Variants in IGSF21 observed in about 807,000 individuals in gnomAD.
The protein encoded by IGSF21 is immunoglobin superfamily member 21, also known as immunoglobulin superfamily member 21.
In IGSF21, 28 loss-of-function variants were observed where a neutral mutation model predicts 46.8. The ratio of observed to expected loss-of-function variants is 0.60; its 90% CI spans 0.44 to 0.82. The LOEUF (loss-of-function observed/expected upper bound fraction) is 0.82, where lower values mean the gene tolerates loss of function less well. Ranked by LOEUF, IGSF21 falls within the 40% of genes least tolerant of loss-of-function variation. The probability of loss-of-function intolerance (pLI) is 0.00; values close to 1 mark genes in which losing one functional copy is unlikely to be tolerated. For missense variants in IGSF21, 624 were observed against 665.5 expected (o/e 0.94, Z 0.69); for synonymous variants, 284 against 273.6 (o/e 1.04, Z -0.38).
chr1:18,226,216 G>A (rs906169458), intron 1 of IGSF21, among the ~76,000 whole-genome samples: 1 of 152,156 alleles, frequency 6.6e-6, no homozygotes, highest in Non-Finnish European at 1.5e-5. Flanking sequence ...GATTCCCTCT[G>A]TGCCCACCCA....
At chr1:18,358,266 A>T (rs561477824) in intron 4 of IGSF21, among the ~76,000 whole-genome samples, 13 of 152,330 alleles carry the variant, frequency 8.5e-5, no homozygotes, top group Non-Finnish European at 1.5e-4. Context: ...AATATAATGT[A>T]AAGTACATAT....
intron 3 of IGSF21, among the ~76,000 whole-genome samples, chr1:18,319,630 G>GT (rs2085580955): frequency 6.6e-6 from 1 of 152,214 alleles, no homozygotes; most frequent in South Asian, 2.1e-4. Flanking sequence ...GATGACGAAT[G>GT]TAAGTATGTC....
At chr1:18,340,999 C>CTTTT (rs2085830045) in intron 4 of IGSF21, among the ~76,000 whole-genome samples, 1 of 114,306 alleles carries the variant, frequency 8.7e-6, no homozygotes, top group African/African-American at 3.5e-5. Context: ...TTCTTCTCCT[C>CTTTT]CTCCTCCTTC....
At chr1:18,327,805 G>A (rs2085672185) in intron 3 of IGSF21, among the ~76,000 whole-genome samples, 1 of 152,094 alleles carries the variant, frequency 6.6e-6, no homozygotes, top group Admixed American at 6.6e-5. Context: ...CTTGATTGTG[G>A]CAATGGTCTC....
At chr1:18,330,376 G>A (rs1442778917) in intron 3 of IGSF21, among the ~76,000 whole-genome samples, 5 of 152,312 alleles carry the variant, frequency 3.3e-5, no homozygotes, top group African/African-American at 1.2e-4. Flanking sequence ...GGTGAGGGGT[G>A]TACAGCGATC....
At chr1:18,352,798 A>G (rs1282589466) in intron 4 of IGSF21, among the ~76,000 whole-genome samples, 1 of 152,162 alleles carries the variant, frequency 6.6e-6, no homozygotes, top group Non-Finnish European at 1.5e-5. Context: ...AACAGCTGGC[A>G]GGGGAGGGGC....
chr1:18,248,605 A>G (rs223197), intron 2 of IGSF21, among the ~76,000 whole-genome samples: 10,838 of 152,176 alleles, frequency 0.071, 1,269 homozygotes, highest in African/African-American at 0.25. Context: ...GTGGTGCTTA[A>G]GACACAGATA....
chr1:18,350,885 G>A lies in IGSF21; in HGVS notation c.425-11230G>A, dbSNP rs567737274. On this transcript the variant is annotated intron_variant, in intron 4 of 9. Transcript: ENST00000251296. ...GAAAGCTCTGAGCCAGGCCAGGAGT[G>A]CGGTGGGGGGTAGGGGCTCTGCAGG... is the stretch of plus-strand genomic sequence containing the variant. 3.1e-4 allele frequency among the ~76,000 whole-genome samples: 47 copies of A among 152,324 alleles called. 1 individual carries two copies. In the South Asian group the frequency reaches 7.3e-3, roughly 24 times the overall value.
At chr1:18,190,207 C>G (rs995138800) in intron 1 of IGSF21, among the ~76,000 whole-genome samples, 13 of 152,238 alleles carry the variant, frequency 8.5e-5, no homozygotes, top group African/African-American at 3.1e-4. Flanking sequence ...GAAAGCTGGT[C>G]TCAGCTTCAG....
intron 3 of IGSF21, among the ~76,000 whole-genome samples, chr1:18,299,600 G>A (rs2085342205): frequency 6.6e-6 from 1 of 152,146 alleles, no homozygotes; most frequent in Admixed American, 6.5e-5. Flanking sequence ...GCAAACACAC[G>A]TTGTTGTTGC....
chr1:18,208,376 A>AATATATATATATATATATATATATATAT (rs5772795), intron 1 of IGSF21, among the ~76,000 whole-genome samples: 3 of 22,028 alleles, frequency 1.4e-4, no homozygotes, highest in African/African-American at 3.5e-4. Context: ...GTTTAGGAAT[A>AATATATATATATATATATATATATATAT]ATATATATAT....
chr1:18,280,096 C>T (rs772245171), intron 2 of IGSF21, among the ~76,000 whole-genome samples: 8 of 152,128 alleles, frequency 5.3e-5, no homozygotes, highest in South Asian at 2.1e-4. Flanking sequence ...ACCGGCAGCC[C>T]GGGGGGTGAC....
chr1:18,367,846 C>T (rs1235847518), intron 6 of IGSF21, among the ~76,000 whole-genome samples: 2 of 151,758 alleles, frequency 1.3e-5, no homozygotes. Flanking sequence ...CTCAGGTGAT[C>T]CACCTGCCTC....
At chr1:18,269,933 T>TATGTTAGAA (rs1223464228) in intron 2 of IGSF21, among the ~76,000 whole-genome samples, 2 of 152,138 alleles carry the variant, frequency 1.3e-5, no homozygotes, top group Non-Finnish European at 2.9e-5. Flanking sequence ...ACTTTTCCAG[T>TATGTTAGAA]ATGTTAGAAG....
At chr1:18,232,553 C>T (rs894140959) in intron 2 of IGSF21, among the ~76,000 whole-genome samples, 16 of 152,158 alleles carry the variant, frequency 1.1e-4, no homozygotes, top group African/African-American at 3.4e-4. Context: ...TGAGGCCATT[C>T]GAAGAGACTG....
rs147377010 is a variant in IGSF21 at position 18,267,367 on chromosome 1, C to G, written c.184-24499C>G. ...ATTAGAAGGTGAGCATCAGGGTGCTCAGGAAAACAGGATGTGGGGAGCTCA... is the reference window on the plus strand; with the variant it reads ...ATTAGAAGGTGAGCATCAGGGTGCTGAGGAAAACAGGATGTGGGGAGCTCA... On this transcript the variant is annotated intron_variant, in intron 2 of 9. Transcript: ENST00000251296. Among the ~76,000 whole-genome samples, 283 of 152,232 alleles carry G rather than the reference C, an allele frequency of 1.9e-3. 1 individual carries two copies. The highest frequency in any genetic ancestry group is 6.4e-3 in the African/African-American group (264 of 41,540).
chr1:18,273,448 T>TCTCTC (rs1557618339), intron 2 of IGSF21, among the ~76,000 whole-genome samples: 4 of 95,618 alleles, frequency 4.2e-5, no homozygotes, highest in Admixed American at 2.5e-4. Context: ...CTTTCTCACT[T>TCTCTC]TCTTTCTTTC....
At chr1:18,251,813 C>T (rs1557607956) in intron 2 of IGSF21, among the ~76,000 whole-genome samples, 2 of 152,062 alleles carry the variant, frequency 1.3e-5, no homozygotes, top group African/African-American at 2.4e-5. Context: ...ATGATGGTGG[C>T]CTGCATGTGA....
intron 1 of IGSF21, among the ~76,000 whole-genome samples, chr1:18,138,881 G>A (rs761799732): frequency 5.3e-5 from 8 of 152,212 alleles, no homozygotes; most frequent in Admixed American, 1.3e-4. Context: ...TTTTACAGAT[G>A]AGGAAACTGA....
Sources: gnomAD v4.1 joint callset for allele counts (sites outside exome capture counted in the v4.1 genomes callset) on GRCh38, gnomAD v4.1.1 for gene constraint, MANE v1.5 for transcripts, NCBI Gene and HGNC (gene_info 2026-07-23, HGNC 2026-07-21) for gene names.